COL5A2: variants seen among roughly 807,000 people sequenced by gnomAD.
COL5A2 encodes collagen type V alpha 2 chain.
A neutral mutation model predicts 208.2 loss-of-function variants in COL5A2; 23 were observed. The ratio of observed to expected loss-of-function variants is 0.11; its 90% CI spans 0.08 to 0.16. The LOEUF is 0.16. COL5A2 is among the 10% of genes least tolerant of loss of function. The pLI is 1.00. For missense variants in COL5A2, 1,590 were observed against 1,956.4 expected (o/e 0.81, Z 3.53); for synonymous variants, 625 against 628.5 (o/e 0.99, Z 0.08).
intron 31 of COL5A2, among the ~76,000 whole-genome samples, chr2:189,059,140 A>G (rs1385170466): frequency 1.3e-5 from 2 of 152,222 alleles, no homozygotes; most frequent in African/African-American, 4.8e-5. Flanking sequence ...CAATGAGAAC[A>G]TGCAAAGTAC....
At chr2:189,327,418 G>A in the COL5A2 span, among the ~76,000 whole-genome samples, 1 of 152,092 alleles carries the variant, frequency 6.6e-6, no homozygotes, top group African/African-American at 2.4e-5. Context: ...AAAAGGGGGA[G>A]AAAGAAGAAG....
chr2:189,223,834 C>T (rs577921350), intron 1 of COL5A2, among the ~76,000 whole-genome samples: 14 of 152,172 alleles, frequency 9.2e-5, no homozygotes, highest in African/African-American at 2.6e-4. Context: ...TTCTAAGTTG[C>T]TCATAAGATT....
At chr2:189,377,400 T>C in the COL5A2 span, among the ~76,000 whole-genome samples, 3 of 152,182 alleles carry the variant, frequency 2.0e-5, no homozygotes, top group Non-Finnish European at 4.4e-5. Context: ...TGATAATCAC[T>C]GGATAATCAT....
chr2:189,123,260 G>A (rs543246287), intron 1 of COL5A2, among the ~76,000 whole-genome samples: 23 of 152,234 alleles, frequency 1.5e-4, no homozygotes, highest in African/African-American at 5.5e-4. Flanking sequence ...CACTGCGCCA[G>A]GCCTAAAAAT....
At chr2:189,034,824 A>C in intron 53 of COL5A2, 92 bp downstream of exon 53, 1 of 1,488,804 alleles carries the variant, frequency 6.7e-7, no homozygotes, top group Non-Finnish European at 9.3e-7. Flanking sequence ...ATACAAGGTA[A>C]AATTGCCCCC....
the COL5A2 span, among the ~76,000 whole-genome samples, chr2:189,236,028 A>C: frequency 6.6e-6 from 1 of 151,472 alleles, no homozygotes; most frequent in Non-Finnish European, 1.5e-5. Flanking sequence ...CCTGAACACC[A>C]AGTCTCTAAT....
chr2:189,229,677 A>G (rs1361383864), upstream of COL5A2, among the ~76,000 whole-genome samples: 1 of 151,796 alleles, frequency 6.6e-6, no homozygotes, highest in African/African-American at 2.4e-5. Flanking sequence ...AGAAGAAATT[A>G]TAAAGGATAA....
chr2:189,204,018 T>C (rs1305658809), intron 1 of COL5A2, among the ~76,000 whole-genome samples: 2 of 151,956 alleles, frequency 1.3e-5, no homozygotes, highest in Non-Finnish European at 2.9e-5. Context: ...CTGGCTCAGC[T>C]TCCCGAGTAG....
the COL5A2 span, among the ~76,000 whole-genome samples, chr2:189,310,248 A>C: frequency 0.035 from 5,375 of 152,314 alleles, 112 homozygotes; most frequent in Admixed American, 0.05. Flanking sequence ...CAATAAAAAA[A>C]CCGGCAAAAG....
the COL5A2 span, among the ~76,000 whole-genome samples, chr2:189,306,188 G>C: frequency 7.6e-4 from 115 of 152,154 alleles, no homozygotes; most frequent in Non-Finnish European, 1.4e-3. Context: ...AAGATTGAAG[G>C]GTTCCAGGAA....
chr2:189,170,447 T>TA (rs1216375420), intron 1 of COL5A2, among the ~76,000 whole-genome samples: 1 of 152,218 alleles, frequency 6.6e-6, no homozygotes, highest in African/African-American at 2.4e-5. Context: ...GGAAAGGGGA[T>TA]ATTTATTGCA....
At chr2:189,120,293 T>C (rs1559113228) in intron 1 of COL5A2, among the ~76,000 whole-genome samples, 4 of 152,152 alleles carry the variant, frequency 2.6e-5, no homozygotes, top group Non-Finnish European at 5.9e-5. Context: ...AAAAATTACA[T>C]ACACACTGAA....
rs200405052 is a variant in COL5A2 at position 189,078,577 on chromosome 2, C to T, written c.1006-8G>A. ...TGGCATTCCCCTCGGACCCTATAGACGATAGAGAAGAAATGTCTCTTGAAG... is the reference window on the plus strand; with the variant it reads ...TGGCATTCCCCTCGGACCCTATAGATGATAGAGAAGAAATGTCTCTTGAAG... On this transcript the variant is annotated splice_region_variant and splice_polypyrimidine_tract_variant and intron_variant, in intron 15 of 53. Coordinates refer to ENST00000374866, the MANE Select transcript of COL5A2 (RefSeq NM_000393.5). 35 of 1,610,796 alleles carry T rather than the reference C, an allele frequency of 2.2e-5. No individual in the cohort carries two copies. Among genetic ancestry groups the T allele is most frequent in the Middle Eastern group, 3.3e-4 (2 of 6,070 alleles).
intron 4 of COL5A2, among the ~76,000 whole-genome samples, chr2:189,099,045 C>G (rs914061983): frequency 2.0e-5 from 3 of 152,120 alleles, no homozygotes; most frequent in Non-Finnish European, 2.9e-5. Context: ...TGACTTTGGA[C>G]TAATTACTTA....
chr2:189,196,581 G>T (rs1689004091), intron 1 of COL5A2, among the ~76,000 whole-genome samples: 1 of 148,864 alleles, frequency 6.7e-6, no homozygotes, highest in Non-Finnish European at 1.5e-5. Flanking sequence ...TAAACTTTCT[G>T]CTGGGTTAAG....
Position 189,191,163 on chromosome 2 carries a change from C to CCAAA in COL5A2, c.-42+33984_-42+33985insTTTG, listed in dbSNP as rs748055610. On this transcript the variant is annotated intron_variant, in intron 1 of 10. Coordinates refer to the COL5A2 transcript ENST00000649966. Reference sequence around the variant, plus strand: ...CATAAAAAAAAAAACAAAAAACAAACAAACAACAAAAAACAACAACAAAAA... The same window carrying CCAAA: ...CATAAAAAAAAAAACAAAAAACAAACCAAAAAACAACAAAAAACAACAACAAAAA... 7.7e-4 allele frequency among the ~76,000 whole-genome samples: 56 copies of CCAAA among 72,304 alleles called. 2 individuals carry two copies. Among genetic ancestry groups the CCAAA allele is most frequent in the Middle Eastern group, 0.01 (1 of 96 alleles). The allele number at this position is 72,304 out of a possible 152,430, so 47.4% of individuals were successfully genotyped here. A position where few individuals can be genotyped will look rare whatever the true frequency, so the allele number is the denominator to read the frequency against.
At chr2:189,330,795 T>A in the COL5A2 span, among the ~76,000 whole-genome samples, 7 of 152,332 alleles carry the variant, frequency 4.6e-5, no homozygotes, top group Middle Eastern at 0.01. Flanking sequence ...ACATAGCCCC[T>A]CATCCTTACA....
chr2:189,172,495 TC>T (rs1202090081), intron 1 of COL5A2, among the ~76,000 whole-genome samples: 1 of 152,196 alleles, frequency 6.6e-6, no homozygotes, highest in East Asian at 1.9e-4. Context: ...TAAATGGTCC[TC>T]CTAAGAATCC....
At chr2:189,283,112 G>T in the COL5A2 span, among the ~76,000 whole-genome samples, 1 of 151,972 alleles carries the variant, frequency 6.6e-6, no homozygotes, top group East Asian at 1.9e-4. Flanking sequence ...GGGATAAAGA[G>T]CTATGGAGTC....
Sources: gnomAD v4.1 joint callset for allele counts (sites outside exome capture counted in the v4.1 genomes callset) on GRCh38, gnomAD v4.1.1 for gene constraint, MANE v1.5 for transcripts, NCBI Gene and HGNC (gene_info 2026-07-23, HGNC 2026-07-21) for gene names.